Variants in ITIH2 observed in about 807,000 individuals in gnomAD.
ITIH2 encodes inter-alpha-trypsin inhibitor heavy chain H2.
In ITIH2, 103 loss-of-function variants were observed where a neutral mutation model predicts 104.4. The observed-to-expected ratio is 0.99, with a 90% CI of 0.84 to 1.16. ITIH2 has a LOEUF of 1.16. ITIH2 is among the 50% of genes most tolerant of loss of function. The probability of loss-of-function intolerance (pLI) is 0.00; values close to 1 mark genes in which losing one functional copy is unlikely to be tolerated. For missense variants in ITIH2, 1,108 were observed against 1,162.4 expected, an observed-to-expected ratio of 0.95 and a Z score of 0.68; for synonymous variants, 436 against 435.4, an observed-to-expected ratio of 1.00 and a Z score of -0.02.
At chr10:7,717,213 A>G (rs1834858741) in intron 5 of ITIH2, among the ~76,000 whole-genome samples, 3 of 152,140 alleles carry the variant, frequency 2.0e-5, no homozygotes, top group Admixed American at 6.5e-5. Context: ...CGGCCTCCCA[A>G]AGTGCTGGGA....
chr10:7,744,067 T>C lies in ITIH2; in HGVS notation c.2210-15T>C. ...TGGCACAGAAGAGAAAACATCATTT[T>C]TTTCTTTCCTGTAGGAATTGTAGTC... is the stretch of plus-strand genomic sequence containing the variant. On this transcript the variant is annotated splice_polypyrimidine_tract_variant and intron_variant, in intron 17 of 20. Transcript: ENST00000358415. The C allele has an allele frequency of 6.2e-7, 1 of 1,607,612 alleles. No homozygotes were observed. The highest frequency in any genetic ancestry group is 1.7e-4 in the Middle Eastern group (1 of 6,044).
chr10:7,728,552 CT>C (rs1433453559), intron 11 of ITIH2, among the ~76,000 whole-genome samples: 3 of 151,100 alleles, frequency 2.0e-5, no homozygotes, highest in Non-Finnish European at 4.4e-5. Context: ...CAGCTAATTT[CT>C]TTTTTTTCTT....
intron 6 of ITIH2, among the ~76,000 whole-genome samples, chr10:7,720,467 G>A (rs1834891497): frequency 1.3e-5 from 2 of 152,208 alleles, no homozygotes; most frequent in Admixed American, 1.3e-4. Flanking sequence ...CCAAGATTTG[G>A]GGAAAATGGT....
At chr10:7,707,128 A>G in intron 2 of ITIH2, 73 bp from the exon 3 acceptor site, 1 of 1,054,908 alleles carries the variant, frequency 9.5e-7, no homozygotes, top group South Asian at 1.5e-5. Flanking sequence ...TTTTTGACTG[A>G]GAAAACGGTT....
intron 5 of ITIH2, among the ~76,000 whole-genome samples, chr10:7,714,843 A>G (rs1018737854): frequency 6.6e-6 from 1 of 152,214 alleles, no homozygotes; most frequent in Non-Finnish European, 1.5e-5. Flanking sequence ...GAGCCCAAGT[A>G]GATTACAGCT....
intron 4 of ITIH2, 49 bp downstream of exon 4, chr10:7,709,240 G>A: frequency 1.3e-6 from 2 of 1,526,686 alleles, no homozygotes; most frequent in East Asian, 2.3e-5. Flanking sequence ...TCTACTCACA[G>A]AATCAAAACC....
chr10:7,712,348 C>G (rs1052694901), intron 4 of ITIH2, among the ~76,000 whole-genome samples: 2 of 152,158 alleles, frequency 1.3e-5, no homozygotes, highest in Non-Finnish European at 2.9e-5. Context: ...GAGGAGAGAG[C>G]CCTCTCCAAG....
intron 14 of ITIH2, among the ~76,000 whole-genome samples, chr10:7,734,171 T>C (rs1835029564): frequency 6.6e-6 from 1 of 152,132 alleles, no homozygotes; most frequent in Non-Finnish European, 1.5e-5. Flanking sequence ...ACCCATAGAA[T>C]GTACAACACC....
intron 6 of ITIH2, among the ~76,000 whole-genome samples, chr10:7,720,305 T>G (rs10905222): frequency 6.6e-6 from 1 of 152,226 alleles, no homozygotes; most frequent in Non-Finnish European, 1.5e-5. Flanking sequence ...TTCAAAATAA[T>G]TACACAAAAA....
chr10:7,720,737 G>C (rs182587584), intron 6 of ITIH2, 119 bp from the exon 7 acceptor site: 16 of 624,542 alleles, frequency 2.6e-5, no homozygotes, highest in Non-Finnish European at 4.4e-5. Context: ...TCGTGGAGTC[G>C]TGCCCGGGAA....
At chr10:7,735,577 A>G (rs1250672855) in intron 15 of ITIH2, among the ~76,000 whole-genome samples, 6 of 152,108 alleles carry the variant, frequency 3.9e-5, no homozygotes, top group Non-Finnish European at 8.8e-5. Flanking sequence ...CAATTTCTAT[A>G]TGCAACTAAC....
chr10:7,723,622 C>G, intron 9 of ITIH2, 55 bp downstream of exon 9: 1 of 1,106,098 alleles, frequency 9.0e-7, no homozygotes, highest in South Asian at 1.2e-5. Context: ...TCTTTGATCC[C>G]CTCCTAAAAA....
At chr10:7,703,957 A>C (rs1196701212) in intron 1 of ITIH2, among the ~76,000 whole-genome samples, 1 of 152,240 alleles carries the variant, frequency 6.6e-6, no homozygotes, top group Non-Finnish European at 1.5e-5. Context: ...AAGAAAAGTC[A>C]TTATCAAAGC....
At position 7,733,071 on chromosome 10, in the gene ITIH2, C is replaced by T. The variant is rs188507132; in HGVS notation, c.1787+594C>T. On this transcript the variant is annotated intron_variant, in intron 14 of 20. Coordinates refer to ENST00000358415, the MANE Select transcript of ITIH2 (RefSeq NM_002216.3). ...TGCACCATTCAATGGATTTTTATAT[C>T]TATCATCCGTGTAATCACCACCCAG... is the stretch of plus-strand genomic sequence containing the variant. 5.6e-4 allele frequency among the ~76,000 whole-genome samples: 85 copies of T among 151,922 alleles called. 1 individual carries two copies. In the Middle Eastern group the frequency reaches 0.01, roughly 18 times the overall value.
At chr10:7,704,242 G>T (rs1834724269) in intron 1 of ITIH2, among the ~76,000 whole-genome samples, 1 of 152,212 alleles carries the variant, frequency 6.6e-6, no homozygotes, top group African/African-American at 2.4e-5. Context: ...TATAATACTT[G>T]CAGAGTGGAT....
intron 19 of ITIH2, among the ~76,000 whole-genome samples, chr10:7,746,333 C>T (rs1277737267): frequency 6.6e-6 from 1 of 151,732 alleles, no homozygotes. Context: ...CGAGATAGCA[C>T]CACTGCACTC....
intron 17 of ITIH2, among the ~76,000 whole-genome samples, chr10:7,743,844 CAATT>C (rs538123140): frequency 1.2e-3 from 176 of 151,856 alleles, no homozygotes; most frequent in African/African-American, 3.8e-3. Context: ...TATAAACTGA[CAATT>C]AAATTTTATA....
intron 5 of ITIH2, 85 bp from the exon 6 acceptor site, chr10:7,717,541 A>T: frequency 7.6e-7 from 1 of 1,314,350 alleles, no homozygotes; most frequent in East Asian, 2.3e-5. Flanking sequence ...CGGTCCAGGA[A>T]ATTCTACATG....
Position 7,746,604 on chromosome 10 carries a change from C to G in ITIH2, c.2593C>G (p.Gln865Glu). Reference protein sequence around the residue: ...KAHGLIGQFMQEPKIHIFNER... With the variant: ...KAHGLIGQFMEEPKIHIFNER... ...TTCTGTTTTGCTAGGCCAGTTCATG[C>G]AGGAACCAAAGATACACATCTTCAA... The change falls in exon 20 of 21, where the codon CAG becomes GAG. Residue 865 changes from glutamine to glutamate, a missense_variant. By Grantham distance (29) the Gln-to-Glu change is conservative. Coordinates refer to ENST00000358415, the MANE Select transcript of ITIH2 (RefSeq NM_002216.3). The G allele has an allele frequency of 6.2e-7, 1 of 1,611,012 alleles. No individual in the cohort carries two copies. Among genetic ancestry groups the G allele is most frequent in the Non-Finnish European group, 8.5e-7 (1 of 1,177,452 alleles).
Sources: gnomAD v4.1 joint callset for allele counts (sites outside exome capture counted in the v4.1 genomes callset) on GRCh38, gnomAD v4.1.1 for gene constraint, MANE v1.5 for transcripts, NCBI Gene and HGNC (gene_info 2026-07-23, HGNC 2026-07-21) for gene names.